Variants in SYT1 observed in about 807,000 individuals in gnomAD.
The protein encoded by SYT1 is synaptotagmin 1, also known as synaptotagmin-1.
In SYT1, 8 loss-of-function variants were observed where a neutral mutation model predicts 44.8. That is an observed-to-expected ratio of 0.18 (90% CI 0.10 to 0.32). SYT1 has a LOEUF of 0.32. SYT1 is among the 10% of genes least tolerant of loss of function. The pLI is 1.00. For missense variants in SYT1, 286 were observed against 509.3 expected (o/e 0.56, Z 4.22); for synonymous variants, 154 against 188.8 (o/e 0.82, Z 1.51).
At chr12:79,214,367 G>A (rs1381648783) in intron 3 of SYT1, among the ~76,000 whole-genome samples, 1 of 152,064 alleles carries the variant, frequency 6.6e-6, no homozygotes, top group African/African-American at 2.4e-5. Context: ...GGTATTTTAT[G>A]TCTATAGAGG....
intron 2 of SYT1, among the ~76,000 whole-genome samples, chr12:78,997,074 G>A (rs1035840454): frequency 2.0e-5 from 3 of 152,176 alleles, no homozygotes; most frequent in African/African-American, 7.2e-5. Flanking sequence ...CCAGGTTTCT[G>A]GAAGTCTCTT....
chr12:79,410,537 CAAT>C (rs1463124795), intron 9 of SYT1, among the ~76,000 whole-genome samples: 5 of 134,176 alleles, frequency 3.7e-5, no homozygotes, highest in Admixed American at 1.5e-4. Context: ...AACAGAACGA[CAAT>C]AATAACAACA....
chr12:79,351,036 A>AT (rs973287506), intron 8 of SYT1, among the ~76,000 whole-genome samples: 1 of 152,226 alleles, frequency 6.6e-6, no homozygotes, highest in African/African-American at 2.4e-5. Context: ...AGCAAATGAA[A>AT]TTTTACATGT....
chr12:79,105,540 T>G (rs1452315191), intron 3 of SYT1, among the ~76,000 whole-genome samples: 1 of 152,180 alleles, frequency 6.6e-6, no homozygotes, highest in Non-Finnish European at 1.5e-5. Flanking sequence ...TTGGGTAGAT[T>G]AATATAGCAA....
intron 4 of SYT1, among the ~76,000 whole-genome samples, chr12:79,277,638 T>C (rs758647736): frequency 2.6e-5 from 4 of 152,138 alleles, no homozygotes; most frequent in Non-Finnish European, 5.9e-5. Flanking sequence ...ATGATCCACA[T>C]GATGAATGGA....
At chr12:79,343,664 T>G (rs531717927) in intron 8 of SYT1, among the ~76,000 whole-genome samples, 1 of 152,360 alleles carries the variant, frequency 6.6e-6, no homozygotes, top group African/African-American at 2.4e-5. Flanking sequence ...CTTTTGTCAG[T>G]AATAAAATAT....
chr12:79,254,506 GC>G (rs1877404904), intron 4 of SYT1, among the ~76,000 whole-genome samples: 1 of 152,188 alleles, frequency 6.6e-6, no homozygotes, highest in Non-Finnish European at 1.5e-5. Flanking sequence ...TTGTTTTCAT[GC>G]TTGTTAACAC....
At chr12:79,327,938 A>T (rs1881678132) in intron 8 of SYT1, among the ~76,000 whole-genome samples, 1 of 152,208 alleles carries the variant, frequency 6.6e-6, no homozygotes, top group Non-Finnish European at 1.5e-5. Flanking sequence ...GAATGGCGTG[A>T]GGGGTAAGCC....
intron 9 of SYT1, among the ~76,000 whole-genome samples, chr12:79,371,762 C>T (rs373715671): frequency 2.0e-5 from 3 of 152,156 alleles, no homozygotes; most frequent in Non-Finnish European, 4.4e-5. Context: ...GAAGTCATGC[C>T]TCAGAGGTTT....
intron 2 of SYT1, among the ~76,000 whole-genome samples, chr12:79,029,364 A>AAC (rs1400273563): frequency 6.6e-6 from 1 of 151,162 alleles, no homozygotes; most frequent in Non-Finnish European, 1.5e-5. Context: ...TCAGTAAAAA[A>AAC]AAAAAAAAAA....
chr12:79,022,757 C>T (rs1872280240), intron 2 of SYT1, among the ~76,000 whole-genome samples: 1 of 151,192 alleles, frequency 6.6e-6, no homozygotes, highest in Non-Finnish European at 1.5e-5. Flanking sequence ...TCTCATGCAT[C>T]CTTAATTTTT....
chr12:79,272,004 G>T (rs952735309), intron 4 of SYT1, among the ~76,000 whole-genome samples: 16 of 152,048 alleles, frequency 1.1e-4, no homozygotes, highest in African/African-American at 3.9e-4. Context: ...CTACCAATGG[G>T]GAGCAGATTT....
At chr12:79,205,870 AGTTT>A (rs1371712136) in intron 3 of SYT1, among the ~76,000 whole-genome samples, 3 of 152,186 alleles carry the variant, frequency 2.0e-5, no homozygotes, top group Admixed American at 1.3e-4. Flanking sequence ...CGAGAAACAC[AGTTT>A]GTTTAAATTT....
At chr12:79,264,552 G>T (rs1878020507) in intron 4 of SYT1, among the ~76,000 whole-genome samples, 1 of 151,898 alleles carries the variant, frequency 6.6e-6, no homozygotes, top group Non-Finnish European at 1.5e-5. Context: ...AAAGTCTATT[G>T]TTGTTGATGC....
chr12:78,889,952 C>G (rs1020604871), intron 1 of SYT1, among the ~76,000 whole-genome samples: 25 of 151,906 alleles, frequency 1.6e-4, no homozygotes, highest in African/African-American at 6.0e-4. Flanking sequence ...TACACTGACA[C>G]AGACTGCCCC....
chr12:79,361,564 T>G (rs1883316996), intron 9 of SYT1, among the ~76,000 whole-genome samples: 1 of 152,218 alleles, frequency 6.6e-6, no homozygotes, highest in Non-Finnish European at 1.5e-5. Flanking sequence ...GTTGGTTGAC[T>G]GTTTAATTAG....
rs369011685 is a variant in SYT1 at position 79,090,913 on chromosome 12, C to T, written c.-18+43551C>T. Among the ~76,000 whole-genome samples, 9 of 152,044 alleles carry T rather than the reference C, an allele frequency of 5.9e-5. No individual in the cohort carries two copies. The South Asian group carries it at 6.2e-4, about 11-fold the overall frequency. On this transcript the variant is annotated intron_variant, in intron 3 of 10. Transcript: ENST00000261205. Reference sequence around the variant, plus strand: ...TGTGGTAATAGTTTCTCTGTCAGACCTTTAAAAGTGTCAAACCTGTCTTTA... The same window carrying T: ...TGTGGTAATAGTTTCTCTGTCAGACTTTTAAAAGTGTCAAACCTGTCTTTA...
chr12:79,055,788 A>T (rs1016363721), intron 3 of SYT1, among the ~76,000 whole-genome samples: 3 of 152,056 alleles, frequency 2.0e-5, no homozygotes, highest in African/African-American at 7.2e-5. Flanking sequence ...TTGTTATTTA[A>T]AACATCTTAG....
intron 2 of SYT1, among the ~76,000 whole-genome samples, chr12:79,004,321 T>G (rs10506802): frequency 0.079 from 11,961 of 151,940 alleles, 629 homozygotes; most frequent in East Asian, 0.15. Flanking sequence ...AACTAATTCA[T>G]CTAATTCTCA....
Sources: allele counts gnomAD v4.1 joint callset (sites outside exome capture counted in the v4.1 genomes callset), GRCh38; gene constraint gnomAD v4.1.1; transcripts MANE v1.5; gene names NCBI Gene and HGNC (gene_info 2026-07-23, HGNC 2026-07-21).